The following TEAD4 variants were observed in gnomAD, a reference collection of about 807,000 sequenced individuals.
TEAD4 encodes TEA domain transcription factor 4.
TEAD4 carries 36 observed loss-of-function variants against 52.4 expected under a neutral mutation model. That is an observed-to-expected ratio of 0.69 (90% confidence interval 0.53 to 0.91). TEAD4 has a LOEUF of 0.91. TEAD4 is among the 40% of genes least tolerant of loss of function. The pLI, the probability that TEAD4 is intolerant of heterozygous loss-of-function variation, is 0.00. For synonymous variants in TEAD4, 220 were observed against 231.0 expected, an observed-to-expected ratio of 0.95 and a Z score of 0.43; for missense variants, 508 against 583.9, an observed-to-expected ratio of 0.87 and a Z score of 1.34.
At chr12:2,989,479 C>T (rs765014539) in intron 2 of TEAD4, among the ~76,000 whole-genome samples, 3 of 152,204 alleles carry the variant, frequency 2.0e-5, no homozygotes, top group Non-Finnish European at 4.4e-5. Context: ...CCTTCTGTCG[C>T]CCAGGCTGGA....
chr12:3,001,504 G>T (rs1368501671), intron 3 of TEAD4, among the ~76,000 whole-genome samples: 1 of 152,232 alleles, frequency 6.6e-6, no homozygotes, highest in Non-Finnish European at 1.5e-5. Context: ...AGCCGCGGTG[G>T]CTCACGCCTG....
chr12:3,014,393 C>T (rs903569196), intron 5 of TEAD4, among the ~76,000 whole-genome samples: 1 of 152,210 alleles, frequency 6.6e-6, no homozygotes, highest in African/African-American at 2.4e-5. Flanking sequence ...CAGTGGATGG[C>T]TGGACAGACA....
At chr12:2,980,789 A>G (rs930674402) in intron 2 of TEAD4, among the ~76,000 whole-genome samples, 1 of 148,858 alleles carries the variant, frequency 6.7e-6, no homozygotes. Context: ...GGCCAGGCGC[A>G]GTGACTCACG....
At chr12:3,000,887 G>A (rs1050346530) in intron 3 of TEAD4, among the ~76,000 whole-genome samples, 2 of 152,208 alleles carry the variant, frequency 1.3e-5, no homozygotes, top group South Asian at 2.1e-4. Context: ...AGCACGTCGA[G>A]GGTCTTTTCA....
At chr12:3,033,445 G>C (rs2098277171) in intron 10 of TEAD4, among the ~76,000 whole-genome samples, 1 of 152,220 alleles carries the variant, frequency 6.6e-6, no homozygotes, top group South Asian at 2.1e-4. Context: ...GGGCCGGTGA[G>C]AGGGGGCCTT....
intron 2 of TEAD4, among the ~76,000 whole-genome samples, chr12:2,977,255 A>G (rs1289667863): frequency 1.3e-5 from 2 of 152,160 alleles, no homozygotes; most frequent in Non-Finnish European, 2.9e-5. Context: ...TCTTGAGTCC[A>G]GAGCCCAAAC....
At chr12:2,998,217 C>T (rs2098248727) in intron 3 of TEAD4, among the ~76,000 whole-genome samples, 1 of 152,124 alleles carries the variant, frequency 6.6e-6, no homozygotes, top group Admixed American at 6.6e-5. Context: ...TTGTATAGAC[C>T]ACATTCTGTT....
intron 2 of TEAD4, among the ~76,000 whole-genome samples, chr12:2,963,607 C>T (rs1296308275): frequency 6.6e-6 from 1 of 152,218 alleles, no homozygotes; most frequent in East Asian, 1.9e-4. Context: ...CTCCTATCTT[C>T]TAATTCCACT....
intron 2 of TEAD4, among the ~76,000 whole-genome samples, chr12:2,966,417 CT>C (rs113319820): frequency 2.2e-3 from 314 of 142,972 alleles, no homozygotes; most frequent in Admixed American, 2.7e-3. Context: ...CTTTTTCTTT[CT>C]TTTTTTTTTT....
chr12:3,023,442 A>G (rs982132346), intron 10 of TEAD4, among the ~76,000 whole-genome samples: 14 of 152,148 alleles, frequency 9.2e-5, no homozygotes, highest in African/African-American at 2.7e-4. Flanking sequence ...TTTTAAATCA[A>G]TGCATGTTCA....
At chr12:3,035,481 AC>A (rs2098278782) in intron 10 of TEAD4, among the ~76,000 whole-genome samples, 1 of 152,326 alleles carries the variant, frequency 6.6e-6, no homozygotes, top group African/African-American at 2.4e-5. Flanking sequence ...CTTTTTAGGA[AC>A]AGTCTGACAA....
At chr12:2,998,127 T>A (rs1297668920) in intron 3 of TEAD4, among the ~76,000 whole-genome samples, 1 of 152,218 alleles carries the variant, frequency 6.6e-6, no homozygotes, top group Non-Finnish European at 1.5e-5. Context: ...TAATTTCACT[T>A]AACACAAGGT....
At chr12:3,027,460 A>T (rs996801039) in intron 10 of TEAD4, among the ~76,000 whole-genome samples, 2 of 152,232 alleles carry the variant, frequency 1.3e-5, no homozygotes, top group Non-Finnish European at 2.9e-5. Context: ...GGCCACGCAC[A>T]GTGGCTCACA....
intron 2 of TEAD4, among the ~76,000 whole-genome samples, chr12:2,974,633 C>T (rs1446850847): frequency 6.6e-6 from 1 of 152,168 alleles, no homozygotes; most frequent in Admixed American, 6.5e-5. Context: ...TCCAGGATGT[C>T]CTGTGGCTCC....
At chr12:2,975,251 T>C (rs1360430316) in intron 2 of TEAD4, among the ~76,000 whole-genome samples, 1 of 151,812 alleles carries the variant, frequency 6.6e-6, no homozygotes, top group Non-Finnish European at 1.5e-5. Context: ...AGACTTCCCG[T>C]AGATACATTC....
At chr12:3,009,648 T>C (rs2098258657) in intron 3 of TEAD4, among the ~76,000 whole-genome samples, 1 of 152,182 alleles carries the variant, frequency 6.6e-6, no homozygotes, top group African/African-American at 2.4e-5. Flanking sequence ...GGGGTAGAAC[T>C]GTCGACCGTT....
intron 2 of TEAD4, among the ~76,000 whole-genome samples, chr12:2,964,765 C>T (rs990947217): frequency 3.3e-5 from 5 of 152,038 alleles, no homozygotes; most frequent in Admixed American, 1.3e-4. Flanking sequence ...AACCACCGTG[C>T]GCCTGGCCAT....
At chr12:2,982,039 C>T (rs565406087) in intron 2 of TEAD4, among the ~76,000 whole-genome samples, 8 of 151,838 alleles carry the variant, frequency 5.3e-5, no homozygotes, top group Non-Finnish European at 7.4e-5. Flanking sequence ...GCTCTGGGAG[C>T]GTGAGATGGA....
rs752179602 is a variant in TEAD4 at position 2,994,906 on chromosome 12, T to C, written c.140T>C (p.Ile47Thr). The change falls in exon 3 of 13, where the codon ATT becomes ACT. Residue 47 changes from isoleucine to threonine, a missense_variant. Physicochemically the swap from Ile to Thr is moderately conservative, Grantham distance 89 (BLOSUM62 -1). Transcript: ENST00000359864. This position sits in a 1 kb window ranked among gnomAD's most constrained non-coding sequence, Gnocchi z 4.7. Reference sequence around the variant, plus strand: ...GCAGAGGGCGTGTGGAGCCCGGATATTGAGCAGAGTTTCCAGGAGGCCCTC... The same window carrying C: ...GCAGAGGGCGTGTGGAGCCCGGATACTGAGCAGAGTTTCCAGGAGGCCCTC... The C allele has an allele frequency of 6.2e-7, 1 of 1,614,084 alleles. No individual in the cohort carries two copies. Among genetic ancestry groups the C allele is most frequent in the Admixed American group, 1.7e-5 (1 of 60,028 alleles).
Sources: allele counts gnomAD v4.1 joint callset (sites outside exome capture counted in the v4.1 genomes callset), GRCh38; gene constraint gnomAD v4.1.1; non-coding constraint Gnocchi (gnomAD v3.1); transcripts MANE v1.5; gene names NCBI Gene and HGNC (gene_info 2026-07-23, HGNC 2026-07-21).